KLHL1: variants seen among roughly 807,000 people sequenced by gnomAD.
The protein encoded by KLHL1 is kelch like family member 1.
Under a neutral mutation model 77.7 loss-of-function variants are expected in KLHL1, and 47 were observed. That is an observed-to-expected ratio of 0.60 (90% CI 0.48 to 0.77). The LOEUF is 0.77. KLHL1 is among the 30% of genes least tolerant of loss of function. The probability of loss-of-function intolerance (pLI) is 0.00; values close to 1 mark genes in which losing one functional copy is unlikely to be tolerated. For missense variants in KLHL1, 925 were observed against 910.8 expected, an observed-to-expected ratio of 1.02 and a Z score of -0.20; for synonymous variants, 360 against 325.2, an observed-to-expected ratio of 1.11 and a Z score of -1.15.
intron 7 of KLHL1, among the ~76,000 whole-genome samples, chr13:69,764,979 T>A: frequency 8.6e-6 from 1 of 116,368 alleles, no homozygotes; most frequent in Non-Finnish European, 1.7e-5. Context: ...TGAGACCAAG[T>A]CTCGCTTTGT....
At chr13:69,982,008 G>A (rs1296838340) in intron 1 of KLHL1, among the ~76,000 whole-genome samples, 1 of 152,032 alleles carries the variant, frequency 6.6e-6, no homozygotes, top group Non-Finnish European at 1.5e-5. Context: ...TGTTGGGAGA[G>A]AATAAAGCGT....
At chr13:69,860,288 T>C (rs1461506959) in intron 5 of KLHL1, among the ~76,000 whole-genome samples, 3 of 152,004 alleles carry the variant, frequency 2.0e-5, no homozygotes, top group Non-Finnish European at 4.4e-5. Context: ...AACAAACAAG[T>C]AGAAAACAAA....
chr13:70,036,653 T>C (rs1339306189), intron 1 of KLHL1, among the ~76,000 whole-genome samples: 1 of 151,936 alleles, frequency 6.6e-6, no homozygotes, highest in East Asian at 1.9e-4. Flanking sequence ...AATGTTGATG[T>C]ATGTGTAGCA....
chr13:69,843,786 A>G (rs1879354917), intron 5 of KLHL1, among the ~76,000 whole-genome samples: 1 of 151,730 alleles, frequency 6.6e-6, no homozygotes, highest in African/African-American at 2.4e-5. Context: ...TACAAATCAG[A>G]AAAGGCTTCC....
At chr13:70,042,936 C>T in intron 1 of KLHL1, among the ~76,000 whole-genome samples, 1 of 152,128 alleles carries the variant, frequency 6.6e-6, no homozygotes, top group East Asian at 1.9e-4. Context: ...GACTGAGTCT[C>T]ACTCTGTTGC....
intron 4 of KLHL1, among the ~76,000 whole-genome samples, chr13:69,925,786 A>G (rs1343719474): frequency 6.6e-6 from 1 of 152,204 alleles, no homozygotes; most frequent in Non-Finnish European, 1.5e-5. Flanking sequence ...TTAAACTTAT[A>G]TTACCATCAT....
In KLHL1 at chr13:69,728,404, A is replaced by ATTGT. The variant is rs71815356; in HGVS notation, c.1803-8827_1803-8824dup. ...CAGAAATTACAACTGCCTTGTAAAA[A>ATTGT]TTGTTTGTTTGTTTGTTTGTTTGTT... On this transcript the variant is annotated intron_variant, in intron 8 of 10. Transcript: ENST00000377844. Among the ~76,000 whole-genome samples the ATTGT allele has an allele frequency of 5.0e-3, 755 of 150,518 alleles. 2 individuals are homozygous for ATTGT. The highest frequency in any genetic ancestry group is 8.6e-3 in the African/African-American group (351 of 40,876).
chr13:69,971,707 T>C (rs1337147144), intron 2 of KLHL1, among the ~76,000 whole-genome samples: 2 of 152,082 alleles, frequency 1.3e-5, no homozygotes, highest in Non-Finnish European at 2.9e-5. Flanking sequence ...CCATATATTC[T>C]ACCTTGCAGT....
At chr13:70,068,192 T>A (rs1593717129) in intron 1 of KLHL1, among the ~76,000 whole-genome samples, 1 of 151,750 alleles carries the variant, frequency 6.6e-6, no homozygotes, top group East Asian at 2.0e-4. Flanking sequence ...ATACAAAAAA[T>A]TGGCCGGGCG....
chr13:69,781,285 C>CTTTTTTTTTTTTTTTTT (rs869083780), intron 7 of KLHL1, among the ~76,000 whole-genome samples: 4 of 119,708 alleles, frequency 3.3e-5, no homozygotes, highest in Admixed American at 9.0e-5. Context: ...TTTTTTCTTT[C>CTTTTTTTTTTTTTTTTT]TTTTTTTTTT....
At position 69,949,193 on chromosome 13, in the gene KLHL1, C is replaced by T. The variant is rs578074693; in HGVS notation, c.818-8957G>A. On this transcript the variant is annotated intron_variant, in intron 3 of 10. Transcript: ENST00000377844. ...CTAAAATGTGTACTTCCTTTACATT[C>T]CTTAGATTTTTTTTTCTTTTCTTAC... 4.5e-4 allele frequency among the ~76,000 whole-genome samples: 69 copies of T among 151,672 alleles called. 1 individual carries two copies. Among genetic ancestry groups the T allele is most frequent in the Non-Finnish European group, 1.0e-3 (68 of 67,780 alleles).
At chr13:69,974,256 A>G (rs1015247766) in intron 2 of KLHL1, among the ~76,000 whole-genome samples, 1 of 151,102 alleles carries the variant, frequency 6.6e-6, no homozygotes, top group African/African-American at 2.4e-5. Flanking sequence ...TTAGTTTAAT[A>G]TATTCTAAAT....
chr13:69,788,260 C>A (rs1172471705), intron 7 of KLHL1, among the ~76,000 whole-genome samples: 6 of 152,174 alleles, frequency 3.9e-5, no homozygotes, highest in African/African-American at 1.2e-4. Context: ...TGGAACCAAC[C>A]CAAATGTTCA....
chr13:69,847,175 T>G (rs952813340), intron 5 of KLHL1, among the ~76,000 whole-genome samples: 2 of 151,358 alleles, frequency 1.3e-5, no homozygotes, highest in African/African-American at 4.8e-5. Context: ...ATACATGAAT[T>G]TATTCTTGCT....
intron 6 of KLHL1, among the ~76,000 whole-genome samples, chr13:69,807,854 T>G (rs2138057304): frequency 6.6e-6 from 1 of 152,190 alleles, no homozygotes; most frequent in South Asian, 2.1e-4. Flanking sequence ...CCAGGGTAGC[T>G]TTGGAAACTG....
chr13:70,012,323 C>T (rs1042503421), intron 1 of KLHL1, among the ~76,000 whole-genome samples: 1 of 152,048 alleles, frequency 6.6e-6, no homozygotes, highest in African/African-American at 2.4e-5. Flanking sequence ...TAATGTCTAC[C>T]TTGCAGGCTG....
chr13:69,808,537 T>TAAA (rs141977026), intron 6 of KLHL1, among the ~76,000 whole-genome samples: 2 of 149,388 alleles, frequency 1.3e-5, no homozygotes, highest in Admixed American at 6.6e-5. Context: ...ATCCCCAAGG[T>TAAA]AAAAAAAACA....
At chr13:70,002,289 A>G (rs1030368843) in intron 1 of KLHL1, among the ~76,000 whole-genome samples, 4 of 151,704 alleles carry the variant, frequency 2.6e-5, no homozygotes, top group Non-Finnish European at 5.9e-5. Context: ...CAAGGTCTTT[A>G]AAGAATGATT....
intron 7 of KLHL1, among the ~76,000 whole-genome samples, chr13:69,746,024 G>T (rs1044629916): frequency 1.3e-5 from 2 of 151,288 alleles, no homozygotes; most frequent in South Asian, 2.1e-4. Context: ...ATTTTTATTA[G>T]AACTTTTTTA....
Sources: gnomAD v4.1 joint callset for allele counts (sites outside exome capture counted in the v4.1 genomes callset) on GRCh38, gnomAD v4.1.1 for gene constraint, MANE v1.5 for transcripts, NCBI Gene and HGNC (gene_info 2026-07-23, HGNC 2026-07-21) for gene names.